GABRG3: variants seen among roughly 807,000 people sequenced by gnomAD.
GABRG3 encodes the protein gamma-aminobutyric acid receptor subunit gamma-3.
A neutral mutation model predicts 48.8 loss-of-function variants in GABRG3; 25 were observed. That is an observed-to-expected ratio of 0.51 (90% CI 0.37 to 0.72). GABRG3 has a LOEUF of 0.72. Ranked by LOEUF, GABRG3 falls within the 30% of genes least tolerant of loss-of-function variation. The pLI, the probability that GABRG3 is intolerant of heterozygous loss-of-function variation, is 0.00. For missense variants in GABRG3, 394 were observed against 577.9 expected (o/e 0.68, Z 3.26); for synonymous variants, 227 against 217.6 (o/e 1.04, Z -0.38).
intron 9 of GABRG3, 57 bp from the exon 10 acceptor site, chr15:27,532,543 T>G: frequency 6.5e-7 from 1 of 1,537,202 alleles, no homozygotes; most frequent in South Asian, 1.2e-5. Flanking sequence ...TTCATACACC[T>G]CAGGGTGTTT....
At chr15:27,186,699 C>T (rs1267245852) in intron 3 of GABRG3, among the ~76,000 whole-genome samples, 1 of 152,112 alleles carries the variant, frequency 6.6e-6, no homozygotes. Flanking sequence ...AAAAGCCATT[C>T]TGATTGTTCT....
chr15:27,434,108 T>C (rs1260408280), intron 5 of GABRG3, among the ~76,000 whole-genome samples: 1 of 152,236 alleles, frequency 6.6e-6, no homozygotes, highest in Admixed American at 6.5e-5. Context: ...AGCTGATTTC[T>C]GGCTTCACTA....
At chr15:27,435,949 G>A (rs1253801398) in intron 5 of GABRG3, among the ~76,000 whole-genome samples, 2 of 152,208 alleles carry the variant, frequency 1.3e-5, no homozygotes, top group Non-Finnish European at 2.9e-5. Flanking sequence ...GGCCAGAGTG[G>A]TGTTACCAGT....
chr15:27,140,708 C>T (rs1325068424), intron 3 of GABRG3, among the ~76,000 whole-genome samples: 3 of 151,752 alleles, frequency 2.0e-5, no homozygotes, highest in Non-Finnish European at 4.4e-5. Flanking sequence ...TCTGATTGTT[C>T]CTTCATAATA....
intron 5 of GABRG3, among the ~76,000 whole-genome samples, chr15:27,376,853 T>C (rs1208519513): frequency 6.6e-6 from 1 of 152,212 alleles, no homozygotes; most frequent in Non-Finnish European, 1.5e-5. Context: ...TCCTCATTAC[T>C]TATGCAAATT....
chr15:27,223,442 G>T (rs1889512462), intron 3 of GABRG3, among the ~76,000 whole-genome samples: 1 of 152,038 alleles, frequency 6.6e-6, no homozygotes, highest in Admixed American at 6.6e-5. Flanking sequence ...TGAGACAAAT[G>T]TAAGCTTCAA....
chr15:27,397,319 C>T (rs138515603), intron 5 of GABRG3, among the ~76,000 whole-genome samples: 80 of 151,888 alleles, frequency 5.3e-4, no homozygotes, highest in African/African-American at 1.0e-3. Flanking sequence ...CATAGGGAAA[C>T]GATACCTGTG....
At chr15:27,317,222 C>T (rs1483216508) in intron 3 of GABRG3, among the ~76,000 whole-genome samples, 1 of 152,180 alleles carries the variant, frequency 6.6e-6, no homozygotes, top group Non-Finnish European at 1.5e-5. Context: ...TCTGACTCCT[C>T]TACCCTCTCC....
chr15:27,197,487 T>A (rs2077666), intron 3 of GABRG3, among the ~76,000 whole-genome samples: 37,459 of 148,776 alleles, frequency 0.25, 5,000 homozygotes, highest in South Asian at 0.44. Flanking sequence ...TTTTTTTTTA[T>A]CATCAGTACC....
At chr15:27,297,976 TTTAA>T (rs1892058671) in intron 3 of GABRG3, among the ~76,000 whole-genome samples, 2 of 108,152 alleles carry the variant, frequency 1.8e-5, no homozygotes, top group South Asian at 2.3e-4. Flanking sequence ...ATATAATTTT[TTTAA>T]TAAATTAAAA....
intron 3 of GABRG3, among the ~76,000 whole-genome samples, chr15:27,029,321 A>G (rs1450677740): frequency 1.3e-5 from 2 of 152,186 alleles, no homozygotes; most frequent in African/African-American, 4.8e-5. Flanking sequence ...AGCGCTCAGC[A>G]GGGATGGCAC....
At chr15:27,405,596 T>C (rs1887606562) in intron 5 of GABRG3, among the ~76,000 whole-genome samples, 1 of 152,200 alleles carries the variant, frequency 6.6e-6, no homozygotes, top group Non-Finnish European at 1.5e-5. Context: ...GAGAAGACAT[T>C]TCTAAAAATG....
intron 3 of GABRG3, among the ~76,000 whole-genome samples, chr15:27,114,939 A>G (rs936909634): frequency 6.6e-6 from 1 of 152,140 alleles, no homozygotes; most frequent in African/African-American, 2.4e-5. Flanking sequence ...TATTATCATT[A>G]TTACCTGAGT....
chr15:27,513,068 TAGAC>T (rs758374370), intron 6 of GABRG3, among the ~76,000 whole-genome samples: 27 of 151,298 alleles, frequency 1.8e-4, no homozygotes, highest in African/African-American at 5.8e-4. Context: ...AAAAGAAACA[TAGAC>T]AGAGATGAAA....
At chr15:27,335,759 T>C (rs1426879523) in intron 5 of GABRG3, among the ~76,000 whole-genome samples, 1 of 152,084 alleles carries the variant, frequency 6.6e-6, no homozygotes, top group African/African-American at 2.4e-5. Context: ...CTGCCCAACA[T>C]TGGGAATGTA....
intron 3 of GABRG3, among the ~76,000 whole-genome samples, chr15:27,301,233 C>T (rs1042765623): frequency 2.6e-5 from 4 of 152,224 alleles, no homozygotes; most frequent in East Asian, 1.9e-4. Context: ...GTTGAAAACT[C>T]CCAGACTATA....
intron 3 of GABRG3, among the ~76,000 whole-genome samples, chr15:27,264,117 C>T (rs1160286178): frequency 1.3e-5 from 2 of 151,766 alleles, no homozygotes; most frequent in African/African-American, 4.8e-5. Context: ...GAAGTAACAG[C>T]AGAGGGAGGA....
At chr15:27,082,869 C>T (rs1352842670) in intron 3 of GABRG3, among the ~76,000 whole-genome samples, 3 of 152,178 alleles carry the variant, frequency 2.0e-5, no homozygotes, top group South Asian at 2.1e-4. Context: ...GACCTGCTCC[C>T]GCTTCTCTGT....
chr15:27,197,944 TA>T (rs1246403503), intron 3 of GABRG3, among the ~76,000 whole-genome samples: 3 of 152,154 alleles, frequency 2.0e-5, no homozygotes, highest in East Asian at 3.9e-4. Context: ...TCTGTGGGAT[TA>T]GTAGTGATAT....
Sources: allele counts gnomAD v4.1 joint callset (sites outside exome capture counted in the v4.1 genomes callset), GRCh38; gene constraint gnomAD v4.1.1; transcripts MANE v1.5; gene names NCBI Gene and HGNC (gene_info 2026-07-23, HGNC 2026-07-21).